ECM2: variants seen among roughly 807,000 people sequenced by gnomAD.
The protein encoded by ECM2 is extracellular matrix protein 2, female organ and adipocyte specific.
ECM2 carries 57 observed loss-of-function variants against 67.5 expected under a neutral mutation model. The ratio of observed to expected loss-of-function variants is 0.84; its 90% CI spans 0.68 to 1.05. The LOEUF is 1.05. Ranked by LOEUF, ECM2 falls within the 50% of genes least tolerant of loss-of-function variation. The pLI is 0.00. For missense variants in ECM2, 741 were observed against 822.8 expected, an observed-to-expected ratio of 0.90 and a Z score of 1.22; for synonymous variants, 258 against 294.5, an observed-to-expected ratio of 0.88 and a Z score of 1.27.
rs758832338 is a variant in ECM2, at chr9:92,500,855, G to A, written c.1803C>T (p.Val601=). 6.2e-7 allele frequency: 1 copy of A among 1,614,082 alleles called. No homozygotes were observed. Among genetic ancestry groups the A allele is most frequent in the African/African-American group, 1.3e-5 (1 of 74,914 alleles). Residue 601 remains valine, a synonymous_variant, in exon 9 of 10, where the codon GTC becomes GTT. Transcript: ENST00000344604. ...GAGAATGATATGCCCCATAGAAGGA[G>A]ACACGGTCCATGCCATCATCAGCAA... ...NKLADDGMDR[V]SFYGAYHSLR...
intron 2 of ECM2, among the ~76,000 whole-genome samples, chr9:92,521,680 T>G (rs72754435): frequency 0.032 from 4,887 of 152,304 alleles, 110 homozygotes; most frequent in South Asian, 0.086. Flanking sequence ...AATGCCTAAT[T>G]GAAATCTTTA....
At chr9:92,533,319 A>T (rs1563991314) in intron 1 of ECM2, among the ~76,000 whole-genome samples, 7 of 103,512 alleles carry the variant, frequency 6.8e-5, no homozygotes, top group African/African-American at 2.7e-4. Flanking sequence ...AAAAAAAAAA[A>T]AAAAAAAAAA....
At position 92,515,047 on chromosome 9, in the gene ECM2, G is replaced by T. The variant is rs13291847; in HGVS notation, c.638C>A (p.Ser213Tyr). The T allele has an allele frequency of 6.2e-7, 1 of 1,614,062 alleles. No individual in the cohort carries two copies. Among genetic ancestry groups the T allele is most frequent in the South Asian group, 1.1e-5 (1 of 91,066 alleles). Reference sequence around the variant, plus strand: ...TTCTTTCACTTCTTCATCCTCCTCAGATTGAAGTGCTTCTTTTCTTACTAT... The same window carrying T: ...TTCTTTCACTTCTTCATCCTCCTCATATTGAAGTGCTTCTTTTCTTACTAT... ...DRIVRKEALQ[S>Y]EEDEEVKEED... is the part of the protein sequence containing the mutation. The change falls in exon 4 of 10, where the codon TCT becomes TAT. Residue 213 changes from serine to tyrosine, a missense_variant. Coordinates refer to ENST00000344604, the MANE Select transcript of ECM2 (RefSeq NM_001393.4).
At chr9:92,494,170 A>AAATG (rs748616513), downstream of ECM2, 32 of 1,595,264 alleles carry the variant, frequency 2.0e-5, no homozygotes, top group Non-Finnish European at 2.5e-5. Flanking sequence ...TCAGAGTAAG[A>AAATG]AATGAATGAA....
intron 1 of ECM2, among the ~76,000 whole-genome samples, chr9:92,531,075 T>C (rs1394558080): frequency 2.0e-5 from 3 of 152,162 alleles, no homozygotes; most frequent in Non-Finnish European, 4.4e-5. Flanking sequence ...TTTAATGCAG[T>C]TTAACAATTT....
Position 92,505,588 on chromosome 9 carries a change from CGCAAGTAG to C in ECM2, c.1401_1408del (p.Tyr468SerfsTer5). On this transcript the variant is annotated frameshift_variant, in exon 7 of 10. Transcript: ENST00000344604. LOFTEE classifies it high-confidence loss of function. ...AATTCTAAATTTATTTTTTCCCAGA[CGCAAGTAG>C]GCTAGGCTCTTCAAAGGTTTGAAAG... 6.2e-7 allele frequency: 1 copy of C among 1,609,022 alleles called. No individual in the cohort carries two copies.
the ECM2 span, among the ~76,000 whole-genome samples, chr9:92,556,041 C>A: frequency 2.0e-5 from 3 of 152,084 alleles, no homozygotes; most frequent in African/African-American, 7.2e-5. Flanking sequence ...ATGAACTTTC[C>A]TCTTAGCACC....
At chr9:92,549,886 A>G in the ECM2 span, among the ~76,000 whole-genome samples, 1 of 152,160 alleles carries the variant, frequency 6.6e-6, no homozygotes, top group African/African-American at 2.4e-5. Flanking sequence ...AATAATGGCC[A>G]ATGTGGACAA....
chr9:92,511,482 C>T (rs1210164025), intron 5 of ECM2, among the ~76,000 whole-genome samples: 3 of 151,272 alleles, frequency 2.0e-5, no homozygotes, highest in African/African-American at 4.9e-5. Context: ...CAAAGGTTTA[C>T]TCTGTGCTGT....
At chr9:92,504,697 G>C (rs910582112) in intron 7 of ECM2, among the ~76,000 whole-genome samples, 1 of 152,024 alleles carries the variant, frequency 6.6e-6, no homozygotes, top group African/African-American at 2.4e-5. Context: ...ACCATGACTG[G>C]CTATTTTTTT....
rs1849017330 is a variant in ECM2 at position 92,533,992 on chromosome 9, G to C, written c.-28+1941C>G. Among the ~76,000 whole-genome samples, 5 of 151,894 alleles carry C rather than the reference G, an allele frequency of 3.3e-5. 1 individual carries two copies. In the Middle Eastern group the frequency reaches 0.014, roughly 416 times the overall value. On this transcript the variant is annotated intron_variant, in intron 1 of 9. Coordinates refer to ENST00000344604, the MANE Select transcript of ECM2 (RefSeq NM_001393.4). ...TTGGTAAAAGAATGGAATGTACCTT[G>C]GTATAGGTTGTTTTTGCTGTTTAAT... is the stretch of plus-strand genomic sequence containing the variant.
downstream of ECM2, chr9:92,494,057 T>C: frequency 6.3e-7 from 1 of 1,596,094 alleles, no homozygotes; most frequent in South Asian, 1.1e-5. Flanking sequence ...TGCTTACTTG[T>C]CTGTTTGATT....
chr9:92,548,540 T>C, the ECM2 span, among the ~76,000 whole-genome samples: 1 of 152,232 alleles, frequency 6.6e-6, no homozygotes, highest in South Asian at 2.1e-4. Context: ...ATTGGAAATA[T>C]ATTTTAATAA....
At chr9:92,516,069 T>A (rs1202758954) in intron 3 of ECM2, among the ~76,000 whole-genome samples, 10 of 142,158 alleles carry the variant, frequency 7.0e-5, no homozygotes, top group Non-Finnish European at 1.3e-4. Context: ...GCATACTTTT[T>A]TTTCCCCCCC....
chr9:92,517,519 A>G, intron 3 of ECM2, 168 bp downstream of exon 3: 2 of 866,566 alleles, frequency 2.3e-6, no homozygotes, highest in Non-Finnish European at 1.8e-6. Context: ...TATATCCCCT[A>G]CCATACATTT....
chr9:92,495,443 A>G lies in ECM2; in HGVS notation c.*872T>C. The G allele has an allele frequency of 1.0e-6, 1 of 985,272 alleles. No homozygotes were observed. Among genetic ancestry groups the G allele is most frequent in the Non-Finnish European group, 1.2e-6 (1 of 829,798 alleles). The allele number at this position is 985,272 out of a possible 1,614,324, so 61.0% of individuals were successfully genotyped here. ...TAAGGCAAAGGAGATAGATGCTATGACCAGTGGTGCAAAATTTTTCAAAAA... is the reference window on the plus strand; with the variant it reads ...TAAGGCAAAGGAGATAGATGCTATGGCCAGTGGTGCAAAATTTTTCAAAAA... On this transcript the variant is annotated 3_prime_UTR_variant, in exon 10 of 10. Transcript: ENST00000344604.
chr9:92,502,558 T>C lies in ECM2; in HGVS notation c.1559A>G (p.Lys520Arg), dbSNP rs753296244. The change falls in exon 8 of 10, where the codon AAA (lysine) becomes AGA (arginine). Residue 520 changes from lysine to arginine, a missense_variant. By Grantham distance (26) the Lys-to-Arg change is conservative (BLOSUM62 2). Transcript: ENST00000344604. Reference sequence around the variant, plus strand: ...AGGAGCAATCCTATTTTCTTCAATTTTGTTATAACGTAGTACAATGACATT... The same window carrying C: ...AGGAGCAATCCTATTTTCTTCAATTCTGTTATAACGTAGTACAATGACATT... ...KINVIVLRYN[K>R]IEENRIAPLA... 24 of 1,612,690 alleles carry C rather than the reference T, an allele frequency of 1.5e-5. No homozygotes were observed. Among genetic ancestry groups the C allele is most frequent in the African/African-American group, 5.3e-5 (4 of 74,856 alleles).
intron 6 of ECM2, among the ~76,000 whole-genome samples, chr9:92,509,499 G>A (rs1309319848): frequency 1.3e-5 from 2 of 152,200 alleles, no homozygotes; most frequent in Non-Finnish European, 1.5e-5. Context: ...GAGTGATAAA[G>A]GAGATCCAAT....
intron 7 of ECM2, 111 bp from the exon 8 acceptor site, chr9:92,502,763 GTCTTA>G: frequency 1.4e-6 from 1 of 736,342 alleles, no homozygotes; most frequent in Non-Finnish European, 2.0e-6. Flanking sequence ...TATCTAAAGA[GTCTTA>G]CTGCTCTTTC....
Sources: allele counts gnomAD v4.1 joint callset (sites outside exome capture counted in the v4.1 genomes callset), GRCh38; gene constraint gnomAD v4.1.1; transcripts MANE v1.5; gene names NCBI Gene and HGNC (gene_info 2026-07-23, HGNC 2026-07-21).